The following GATAD2A variants were observed in gnomAD, a reference collection of about 807,000 sequenced individuals.
GATAD2A encodes the protein transcriptional repressor p66-alpha.
A neutral mutation model predicts 68.5 loss-of-function variants in GATAD2A; 12 were observed. The ratio of observed to expected loss-of-function variants is 0.18; its 90% confidence interval spans 0.11 to 0.28. GATAD2A has a LOEUF of 0.28. Among genes scored for constraint, GATAD2A ranks in the 10% least tolerant of loss-of-function variants. The pLI is 1.00. For missense variants in GATAD2A, 755 were observed against 868.5 expected, an observed-to-expected ratio of 0.87 and a Z score of 1.64; for synonymous variants, 410 against 375.3, an observed-to-expected ratio of 1.09 and a Z score of -1.07.
At chr19:19,485,531 G>A (rs75024703) in intron 2 of GATAD2A, among the ~76,000 whole-genome samples, 2,989 of 152,298 alleles carry the variant, frequency 0.02, 87 homozygotes, top group South Asian at 0.085. Context: ...CTCTGATCCC[G>A]TGGTGGTTTG....
intron 1 of GATAD2A, among the ~76,000 whole-genome samples, chr19:19,428,437 G>T (rs1212027228): frequency 1.3e-5 from 2 of 152,230 alleles, no homozygotes; most frequent in Non-Finnish European, 2.9e-5. Flanking sequence ...TTGAGAAGCT[G>T]CCTGGTGCCA....
intron 1 of GATAD2A, among the ~76,000 whole-genome samples, chr19:19,464,350 ACT>A (rs765220583): frequency 6.6e-6 from 1 of 151,856 alleles, no homozygotes; most frequent in Non-Finnish European, 1.5e-5. Flanking sequence ...TAAGAACCTG[ACT>A]CTCTCTGTCT....
intron 1 of GATAD2A, among the ~76,000 whole-genome samples, chr19:19,395,077 T>C (rs1182087391): frequency 6.6e-6 from 1 of 152,180 alleles, no homozygotes; most frequent in Non-Finnish European, 1.5e-5. Flanking sequence ...TCTGCTGCCC[T>C]TGGGAAGTGG....
intron 1 of GATAD2A, among the ~76,000 whole-genome samples, chr19:19,446,168 A>C (rs146343494): frequency 6.6e-6 from 1 of 152,120 alleles, no homozygotes; most frequent in Non-Finnish European, 1.5e-5. Context: ...GAGGGTCCCA[A>C]TTTCTCTACA....
At chr19:19,404,788 C>G (rs2050040559), upstream of GATAD2A, among the ~76,000 whole-genome samples, 1 of 152,172 alleles carries the variant, frequency 6.6e-6, no homozygotes, top group Admixed American at 6.5e-5. Context: ...TGCGATAAAG[C>G]ATGTCACCAC....
intron 2 of GATAD2A, among the ~76,000 whole-genome samples, chr19:19,482,155 G>C (rs768617678): frequency 6.6e-6 from 1 of 152,156 alleles, no homozygotes; most frequent in Non-Finnish European, 1.5e-5. Context: ...CTGTATCTCA[G>C]CACTTTGGGA....
chr19:19,502,479 G>T lies in GATAD2A; in HGVS notation c.1727G>T (p.Gly576Val). Residue 576 changes from glycine (G) to valine (V), a missense_variant, in exon 11 of 12, where the codon GGC becomes GTC. Coordinates refer to ENST00000683918, the MANE Select transcript of GATAD2A (RefSeq NM_001384528.1). ...GRHSERTVSAGKGSATSNWKK... is the reference protein window; with the variant it reads ...GRHSERTVSAVKGSATSNWKK... ...CATTCTGAGAGAACCGTGAGCGCCG[G>T]CAAGGGCAGCGCCACCTCCAACTGG... 6.2e-7 allele frequency: 1 copy of T among 1,613,412 alleles called. No homozygotes were observed. The highest frequency in any genetic ancestry group is 8.5e-7 in the Non-Finnish European group (1 of 1,179,974).
intron 2 of GATAD2A, among the ~76,000 whole-genome samples, chr19:19,475,491 C>CCG (rs67641972): frequency 8.7e-4 from 4 of 4,622 alleles, no homozygotes; most frequent in Non-Finnish European, 1.4e-3. Flanking sequence ...AGCCCCCCCC[C>CCG]CTCCACTGCC....
At chr19:19,476,763 G>A (rs1305763110) in intron 2 of GATAD2A, among the ~76,000 whole-genome samples, 3 of 152,218 alleles carry the variant, frequency 2.0e-5, no homozygotes, top group Non-Finnish European at 4.4e-5. Flanking sequence ...GCAGGGGCAT[G>A]TGTGATCCCA....
At chr19:19,449,766 A>G (rs2056171614) in intron 1 of GATAD2A, among the ~76,000 whole-genome samples, 1 of 152,160 alleles carries the variant, frequency 6.6e-6, no homozygotes, top group Non-Finnish European at 1.5e-5. Context: ...ACTGCACTCC[A>G]TCCTGAGCAA....
chr19:19,391,215 G>A (rs2048822824), intron 1 of GATAD2A, among the ~76,000 whole-genome samples: 2 of 152,204 alleles, frequency 1.3e-5, no homozygotes, highest in South Asian at 4.1e-4. Context: ...AAACCCAGGA[G>A]GAAATAATGG....
chr19:19,445,553 C>T (rs1011961531), intron 1 of GATAD2A, among the ~76,000 whole-genome samples: 2 of 152,170 alleles, frequency 1.3e-5, no homozygotes, highest in Admixed American at 1.3e-4. Flanking sequence ...AAACCTTGTC[C>T]CCATTAGCAG....
intron 8 of GATAD2A, among the ~76,000 whole-genome samples, chr19:19,499,535 G>A (rs887435966): frequency 1.3e-5 from 2 of 151,832 alleles, no homozygotes; most frequent in African/African-American, 4.8e-5. Context: ...CACCTCCCGC[G>A]CACTGCCCAG....
rs78277529 is a variant in GATAD2A, at chr19:19,460,188, G to A, written c.-6-5152G>A. ...CTTAGGAAGTGGGAGAGCCACTGAA[G>A]GGGGTACAGATCCAGGATGTGGCTT... On this transcript the variant is annotated intron_variant, in intron 1 of 11. Transcript: ENST00000683918. Among the ~76,000 whole-genome samples the A allele has an allele frequency of 8.5e-5, 13 of 152,360 alleles. No homozygotes were observed. The East Asian group carries it at 2.5e-3, about 29-fold the overall frequency.
intron 1 of GATAD2A, among the ~76,000 whole-genome samples, chr19:19,409,675 TA>T (rs369931458): frequency 6.6e-6 from 1 of 151,976 alleles, no homozygotes; most frequent in Non-Finnish European, 1.5e-5. Context: ...AAGGTTGAGA[TA>T]AAAAAAGACG....
intron 11 of GATAD2A, among the ~76,000 whole-genome samples, 184 bp downstream of exon 11, chr19:19,502,710 G>A (rs779969199): frequency 2.0e-5 from 3 of 152,200 alleles, no homozygotes; most frequent in African/African-American, 4.8e-5. Context: ...TGACAGCCCC[G>A]AGCAGATAGG....
Position 19,502,451 on chromosome 19 carries a change from A to G in GATAD2A, c.1699A>G (p.Arg567Gly). The G allele has an allele frequency of 1.2e-6, 2 of 1,613,674 alleles. No homozygotes were observed. The highest frequency in any genetic ancestry group is 2.2e-5 in the East Asian group (1 of 44,880). ...SATALVSRTG[R>G]HSERTVSAGK... ...CACAGCCCTGGTCAGCAGGACCGGC[A>G]GACATTCTGAGAGAACCGTGAGCGC... Residue 567 changes from arginine (R) to glycine (G), a missense_variant, in exon 11 of 12, where the codon AGA (arginine) becomes GGA (glycine). By Grantham distance (125) the Arg-to-Gly change is moderately radical. Transcript: ENST00000683918.
chr19:19,398,928 G>A (rs1472888019), intron 1 of GATAD2A, among the ~76,000 whole-genome samples: 1 of 152,006 alleles, frequency 6.6e-6, no homozygotes, highest in Non-Finnish European at 1.5e-5. Flanking sequence ...GCACAGTGGC[G>A]GGCGCCTGTA....
intron 5 of GATAD2A, 64 bp downstream of exon 5, chr19:19,494,447 C>T: frequency 9.7e-7 from 1 of 1,028,446 alleles, no homozygotes; most frequent in Non-Finnish European, 1.5e-6. Flanking sequence ...AGCACAGGCT[C>T]CTCGGGCTCC....
Sources: gnomAD v4.1 joint callset for allele counts (sites outside exome capture counted in the v4.1 genomes callset) on GRCh38, gnomAD v4.1.1 for gene constraint, MANE v1.5 for transcripts, NCBI Gene and HGNC (gene_info 2026-07-23, HGNC 2026-07-21) for gene names.